Variants in CKAP2 observed in about 807,000 individuals in gnomAD.
The protein encoded by CKAP2 is cytoskeleton associated protein 2.
In CKAP2, 46 loss-of-function variants were observed where a neutral mutation model predicts 58.4. That is an observed-to-expected ratio of 0.79 (90% CI 0.62 to 1.01). CKAP2 has a LOEUF of 1.01. Among genes scored for constraint, CKAP2 ranks in the 50% least tolerant of loss-of-function variants. The probability of loss-of-function intolerance (pLI) is 0.00; values close to 1 mark genes in which losing one functional copy is unlikely to be tolerated. For synonymous variants in CKAP2, 293 were observed against 280.9 expected (o/e 1.04, Z -0.43); for missense variants, 809 against 796.4 (o/e 1.02, Z -0.19).
Position 52,466,813 on chromosome 13 carries a change from TG to T in CKAP2, c.1476+1350del, listed in dbSNP as rs1192051490. ...CATAGACCCCATCTCTTAAAATTAG[TG>T]GCCAGGCATGATGGTTCACGGCTGT... is the stretch of plus-strand genomic sequence containing the variant. On this transcript the variant is annotated intron_variant, in intron 6 of 8. Coordinates refer to ENST00000258607, the MANE Select transcript of CKAP2 (RefSeq NM_018204.5). 2.0e-5 allele frequency among the ~76,000 whole-genome samples: 3 copies of T among 152,106 alleles called. No homozygotes were observed. In the East Asian group the frequency reaches 5.8e-4, roughly 29 times the overall value.
chr13:52,465,735 T>C, intron 6 of CKAP2: 1 of 534,866 alleles, frequency 1.9e-6, no homozygotes, highest in Non-Finnish European at 3.6e-6. Context: ...TTTTAGCATA[T>C]TATTGTATGC....
At chr13:52,458,417 A>T (rs1224641814) in intron 2 of CKAP2, among the ~76,000 whole-genome samples, 1 of 152,236 alleles carries the variant, frequency 6.6e-6, no homozygotes, top group African/African-American at 2.4e-5. Context: ...CTAGGGAATA[A>T]GTAGAGATAA....
Position 52,460,977 on chromosome 13 carries a change from A to G in CKAP2, c.231+3A>G, listed in dbSNP as rs1341168291. On this transcript the variant is annotated splice_donor_region_variant and intron_variant, in intron 3 of 8. Coordinates refer to ENST00000258607, the MANE Select transcript of CKAP2 (RefSeq NM_018204.5). Reference sequence around the variant, plus strand: ...TGCTGAAACTTAAAACAAAAATGGTAAGATGTGGACATAGCACTCTTAAAC... The same window carrying G: ...TGCTGAAACTTAAAACAAAAATGGTGAGATGTGGACATAGCACTCTTAAAC... 1.2e-6 allele frequency: 2 copies of G among 1,613,676 alleles called. No homozygotes were observed. Among genetic ancestry groups the G allele is most frequent in the Non-Finnish European group, 8.5e-7 (1 of 1,179,914 alleles).
At chr13:52,455,674 G>GGT (rs757985263) in intron 1 of CKAP2, 48 bp downstream of exon 1, 2 of 928,670 alleles carry the variant, frequency 2.2e-6, no homozygotes, top group Non-Finnish European at 3.2e-6. Flanking sequence ...TGGCGGTGGC[G>GGT]GGCGCGGGCC....
At chr13:52,455,898 G>A in intron 1 of CKAP2, 1 of 1,102,256 alleles carries the variant, frequency 9.1e-7, no homozygotes, top group East Asian at 4.2e-5. Context: ...GAAACGCGCG[G>A]GCCTCAGGCC....
intron 7 of CKAP2, among the ~76,000 whole-genome samples, chr13:52,471,481 A>G (rs1414819370): frequency 6.6e-6 from 1 of 152,058 alleles, no homozygotes; most frequent in Non-Finnish European, 1.5e-5. Flanking sequence ...AAAGAACATA[A>G]GTGGTCGAAG....
rs1194886546 is a variant in CKAP2 at position 52,460,453 on chromosome 13, A to AT, written c.156-437dup. ...AATTCCTCAGCCATTTGTTTACACT[A>AT]TTTTTTTTTGAGACAGAGTCTCTCT... On this transcript the variant is annotated intron_variant, in intron 2 of 8. Transcript: ENST00000258607. Among the ~76,000 whole-genome samples, 1,069 of 149,878 alleles carry AT rather than the reference A, an allele frequency of 7.1e-3. 17 individuals are homozygous for AT. Among genetic ancestry groups the AT allele is most frequent in the African/African-American group, 0.024 (990 of 40,880 alleles).
rs1308572554 is a variant in CKAP2, at chr13:52,461,243, A to G, written c.417A>G (p.Gln139=). 1 of 1,613,932 alleles carries G rather than the reference A, an allele frequency of 6.2e-7. No individual in the cohort carries two copies. Among genetic ancestry groups the G allele is most frequent in the Non-Finnish European group, 8.5e-7 (1 of 1,179,962 alleles). The part of the protein sequence containing the change: ...LLLTEDDPQS[Q]HMTLSQAFHL... ...TAACTGAAGATGATCCCCAAAGTCA[A>G]CATATGACATTAAGCCAGGCATTTC... Residue 139 remains glutamine (Q), a synonymous_variant, in exon 4 of 9, where the codon CAA becomes CAG. Coordinates refer to ENST00000258607, the MANE Select transcript of CKAP2 (RefSeq NM_018204.5).
Position 52,460,228 on chromosome 13 carries a change from C to T in CKAP2, c.156-671C>T, listed in dbSNP as rs76872835. Among the ~76,000 whole-genome samples the T allele has an allele frequency of 8.9e-3, 1,349 of 152,248 alleles. 19 individuals carry two copies. Among genetic ancestry groups the T allele is most frequent in the African/African-American group, 0.031 (1,288 of 41,538 alleles). ...GCATATGGTAATTTTTGGATCACTT[C>T]TGGGAGGGCTCTTTAATAAAAGTAT... On this transcript the variant is annotated intron_variant, in intron 2 of 8. Transcript: ENST00000258607.
At chr13:52,458,251 A>G (rs2137833597) in intron 2 of CKAP2, among the ~76,000 whole-genome samples, 1 of 152,248 alleles carries the variant, frequency 6.6e-6, no homozygotes, top group Admixed American at 6.5e-5. Flanking sequence ...TTCTGTTTTG[A>G]CTATGTTTGA....
chr13:52,462,285 G>C (rs1395068681), intron 4 of CKAP2, 78 bp from the exon 5 acceptor site: 1 of 1,309,370 alleles, frequency 7.6e-7, no homozygotes, highest in African/African-American at 1.5e-5. Flanking sequence ...TTAAAAATAT[G>C]ATTTTTTCTT....
chr13:52,462,650 C>G, intron 5 of CKAP2, 83 bp downstream of exon 5: 1 of 1,109,104 alleles, frequency 9.0e-7, no homozygotes, highest in Non-Finnish European at 1.3e-6. Context: ...TATTGTCAGT[C>G]TTTTTGACCA....
chr13:52,465,076 A>G (rs1958644624), intron 5 of CKAP2, among the ~76,000 whole-genome samples: 1 of 152,212 alleles, frequency 6.6e-6, no homozygotes, highest in African/African-American at 2.4e-5. Context: ...AACATTTGGT[A>G]GAAGGTATTA....
intron 7 of CKAP2, 114 bp downstream of exon 7, chr13:52,468,461 C>A: frequency 1.6e-6 from 1 of 628,978 alleles, no homozygotes; most frequent in East Asian, 2.8e-5. Context: ...AGGTTTGTTA[C>A]AAAGGTAAAT....
chr13:52,461,953 C>T, intron 4 of CKAP2, 27 bp downstream of exon 4: 1 of 1,527,750 alleles, frequency 6.5e-7, no homozygotes, highest in Non-Finnish European at 8.8e-7. Context: ...TTCTTTATTA[C>T]ATTAGTTTTC....
rs961307295 is a variant in CKAP2, at chr13:52,476,242, T to G, written c.*1101T>G. The G allele has an allele frequency of 1.3e-5, 2 of 152,230 alleles. No individual in the cohort carries two copies. Among genetic ancestry groups the G allele is most frequent in the Non-Finnish European group, 2.9e-5 (2 of 68,024 alleles). 9.4% of individuals were successfully genotyped at this position (152,230 alleles called of 1,614,324 possible). On this transcript the variant is annotated 3_prime_UTR_variant, in exon 9 of 9. Transcript: ENST00000258607. ...ATCACATGCTTAGTCATTTTTATGT[T>G]CATTCCACTTTGTATATCTTTTCTA...
intron 5 of CKAP2, among the ~76,000 whole-genome samples, chr13:52,464,079 T>G (rs545109986): frequency 1.3e-5 from 2 of 152,244 alleles, no homozygotes; most frequent in Admixed American, 1.3e-4. Context: ...CTAATTAATA[T>G]GTAATACACT....
chr13:52,469,636 C>T (rs1228333300), intron 7 of CKAP2, among the ~76,000 whole-genome samples: 1 of 145,750 alleles, frequency 6.9e-6, no homozygotes, highest in Admixed American at 6.8e-5. Context: ...GTCGCCCAGG[C>T]CAGACTGCGG....
Position 52,465,325 on chromosome 13 carries a change from C to T in CKAP2, c.1336C>T (p.Leu446=). 2 of 1,613,304 alleles carry T rather than the reference C, an allele frequency of 1.2e-6. No homozygotes were observed. The highest frequency in any genetic ancestry group is 1.7e-6 in the Non-Finnish European group (2 of 1,179,620). ...TCCAAAAGAAGATATACTGGTCACACTGAATGACCTGATTAAAAATATTCC... is the reference window on the plus strand; with the variant it reads ...TCCAAAAGAAGATATACTGGTCACATTGAATGACCTGATTAAAAATATTCC... ...GCPKEDILVT[L]NDLIKNIPDA... is the part of the protein sequence containing the mutation. The change falls in exon 6 of 9, where the codon CTG becomes TTG. Residue 446 remains leucine (L), a synonymous_variant. Coordinates refer to ENST00000258607, the MANE Select transcript of CKAP2 (RefSeq NM_018204.5).
Sources: allele counts gnomAD v4.1 joint callset (sites outside exome capture counted in the v4.1 genomes callset), GRCh38; gene constraint gnomAD v4.1.1; transcripts MANE v1.5; gene names NCBI Gene and HGNC (gene_info 2026-07-23, HGNC 2026-07-21).